Variants in APBB1 observed in about 807,000 individuals in gnomAD.
APBB1 encodes adaptor protein FE65a2.
APBB1 carries 22 observed loss-of-function variants against 78.4 expected under a neutral mutation model. That is an observed-to-expected ratio of 0.28 (90% CI 0.20 to 0.40). The LOEUF is 0.40. Among genes scored for constraint, APBB1 ranks in the 10% least tolerant of loss-of-function variants. The pLI is 1.00. For synonymous variants in APBB1, 369 were observed against 372.7 expected (o/e 0.99, Z 0.12); for missense variants, 749 against 932.4 (o/e 0.80, Z 2.56).
intron 2 of APBB1, among the ~76,000 whole-genome samples, chr11:6,408,227 G>A (rs988537565): frequency 6.6e-5 from 10 of 152,184 alleles, no homozygotes; most frequent in Admixed American, 5.9e-4. Context: ...ATGACCACAG[G>A]AGAGAGTCTG....
chr11:6,417,919 T>C (rs1187032513), intron 1 of APBB1, among the ~76,000 whole-genome samples: 1 of 152,216 alleles, frequency 6.6e-6, no homozygotes, highest in Admixed American at 6.5e-5. Context: ...GGAACTCCTG[T>C]TTGTCTTTCA....
At chr11:6,413,540 G>A (rs1006958275) in intron 1 of APBB1, among the ~76,000 whole-genome samples, 4 of 152,188 alleles carry the variant, frequency 2.6e-5, no homozygotes, top group Non-Finnish European at 5.9e-5. Flanking sequence ...GAGTGCAATG[G>A]CACGATCTCA....
rs1848612317 is a variant in APBB1, at chr11:6,403,004, C to G, written c.1104+141G>C. ...AACTGAAGTGCCTCCAGCTCAGACA[C>G]AGGGCTCTGTGCTGAGACTGGAAGA... is the stretch of plus-strand genomic sequence containing the variant. On this transcript the variant is annotated intron_variant, in intron 6 of 14. Transcript: ENST00000609360. This position sits in a 1 kb window ranked among gnomAD's most constrained non-coding sequence, Gnocchi z 5.3. 1.1e-6 allele frequency: 1 copy of G among 898,640 alleles called. No homozygotes were observed. The highest frequency in any genetic ancestry group is 1.7e-5 in the African/African-American group (1 of 59,220). The allele number at this position is 898,640 out of a possible 1,614,324, so 55.7% of individuals were successfully genotyped here. A position where few individuals can be genotyped will look rare whatever the true frequency, so the allele number is the denominator to read the frequency against.
Position 6,403,680 on chromosome 11 carries a change from G to T in APBB1, c.864C>A (p.Pro288=). The part of the protein sequence containing the change: ...TQWEPPGRAS[P]SQGSSPQEES... ...CCTCTTGGGGGCTGCTCCCCTGTGA[G>T]GGGGAGGCCCGGCCGGGGGGTTCCC... is the stretch of plus-strand genomic sequence containing the variant. The change falls in exon 3 of 15, where the codon CCC becomes CCA. Residue 288 remains proline, a synonymous_variant. Transcript: ENST00000609360. The surrounding 1 kb of genome is among the most constrained non-coding windows in gnomAD (Gnocchi z 5.3). The T allele has an allele frequency of 1.2e-6, 2 of 1,608,362 alleles. No homozygotes were observed. Among genetic ancestry groups the T allele is most frequent in the Non-Finnish European group, 1.7e-6 (2 of 1,176,520 alleles).
At chr11:6,404,546 C>A in intron 2 of APBB1, 2 of 1,523,362 alleles carry the variant, frequency 1.3e-6, no homozygotes, top group South Asian at 2.4e-5. Flanking sequence ...CACAGACGCT[C>A]ACTTCCTGAC....
Position 6,401,820 on chromosome 11 carries a change from G to T in APBB1, c.1389-132C>A. ...TGCCCACAGCTGGTCCCCCATAGGTGCTGCCTTCTTGGGGGGGAGGGGTAG... is the reference window on the plus strand; with the variant it reads ...TGCCCACAGCTGGTCCCCCATAGGTTCTGCCTTCTTGGGGGGGAGGGGTAG... On this transcript the variant is annotated intron_variant, in intron 9 of 14. Transcript: ENST00000609360. The surrounding 1 kb of genome is among the most constrained non-coding windows in gnomAD (Gnocchi z 4.5). 7.0e-7 allele frequency: 1 copy of T among 1,420,854 alleles called. No homozygotes were observed. The highest frequency in any genetic ancestry group is 9.8e-7 in the Non-Finnish European group (1 of 1,022,066). The allele number at this position is 1,420,854 out of a possible 1,614,324, so 88.0% of individuals were successfully genotyped here.
At position 6,400,977 on chromosome 11, in the gene APBB1, G is replaced by C. The variant is rs2134056339; in HGVS notation, c.1672+12C>G. The C allele has an allele frequency of 6.2e-7, 1 of 1,612,770 alleles. No homozygotes were observed. The highest frequency in any genetic ancestry group is 2.2e-5 in the East Asian group (1 of 44,868). ...AAGGTAGCAGCCCCTGGGTATAGAA[G>C]GACACACATACCAACAGGTTTAGCA... is the stretch of plus-strand genomic sequence containing the variant. On this transcript the variant is annotated intron_variant, in intron 12 of 14. Transcript: ENST00000609360.
In APBB1 at chr11:6,419,079, C is replaced by T; in HGVS notation, c.-109G>A. ...CTTCTCCATCACAACATCCCCCGCC[C>T]AGGAGCGCGCGGGCCGCGGGGCCGC... On this transcript the variant is annotated 5_prime_UTR_variant, in exon 1 of 15. Coordinates refer to ENST00000609360, the MANE Select transcript of APBB1 (RefSeq NM_001164.5). 2.6e-6 allele frequency: 1 copy of T among 387,814 alleles called. No homozygotes were observed. Among genetic ancestry groups the T allele is most frequent in the Non-Finnish European group, 4.6e-6 (1 of 218,984 alleles). 24.0% of individuals were successfully genotyped at this position (387,814 alleles called of 1,614,324 possible).
chr11:6,407,520 T>C (rs995591858), intron 2 of APBB1, among the ~76,000 whole-genome samples: 2 of 152,250 alleles, frequency 1.3e-5, no homozygotes, highest in East Asian at 1.9e-4. Flanking sequence ...GTGTGTGGCC[T>C]GCACAGTGCT....
Position 6,396,214 on chromosome 11 carries a change from C to G in APBB1, c.1674G>C (p.Gly558=). The change falls in exon 13 of 15, where the codon GGG becomes GGC. Residue 558 remains glycine, a splice_region_variant and synonymous_variant. Transcript: ENST00000609360. ...LGNVPVAKPV[G]VDVINGALES... ...CGAGGGCCCCATTAATCACATCTAC[C>G]CCTAGAACATATGGACACAAGATAC... 6.4e-7 allele frequency: 1 copy of G among 1,550,646 alleles called. No individual in the cohort carries two copies. Among genetic ancestry groups the G allele is most frequent in the Non-Finnish European group, 8.7e-7 (1 of 1,146,516 alleles).
rs1243881636 is a variant in APBB1, at chr11:6,396,176, G to A, written c.1712C>T (p.Ser571Phe). 2 of 1,551,702 alleles carry A rather than the reference G, an allele frequency of 1.3e-6. No homozygotes were observed. The highest frequency in any genetic ancestry group is 1.7e-6 in the Non-Finnish European group (2 of 1,147,100). The change falls in exon 13 of 15, where the codon TCC becomes TTC. Residue 571 changes from serine (S) to phenylalanine (F), a missense_variant. By Grantham distance (155) the Ser-to-Phe change is radical (BLOSUM62 -2). Transcript: ENST00000609360. ...VINGALESVL[S>F]SSSREQWTPS... The stretch of plus-strand genomic sequence containing the variant: ...GGTCCATTGTTCACGGCTGCTGGAG[G>A]ACAGGACTGACTCGAGGGCCCCATT...
At chr11:6,404,556 C>A in intron 2 of APBB1, 2 of 1,530,694 alleles carry the variant, frequency 1.3e-6, no homozygotes, top group Non-Finnish European at 1.8e-6. Context: ...CACTTCCTGA[C>A]CCTTGCTGCA....
intron 6 of APBB1, 45 bp from the exon 7 acceptor site, chr11:6,402,770 A>G (rs1467135330): frequency 6.2e-7 from 1 of 1,611,390 alleles, no homozygotes; most frequent in African/African-American, 1.3e-5. Context: ...ATCTGAGTCA[A>G]AACTGGAGAG....
intron 2 of APBB1, among the ~76,000 whole-genome samples, 168 bp downstream of exon 2, chr11:6,410,459 T>C (rs1848929082): frequency 6.6e-6 from 1 of 152,228 alleles, no homozygotes; most frequent in Admixed American, 6.5e-5. Context: ...TGGTCAGATC[T>C]ACCAGAATGT....
chr11:6,403,511 A>C lies in APBB1; in HGVS notation c.931T>G (p.Phe311Val), dbSNP rs1457281686. Residue 311 changes from phenylalanine (F) to valine (V), a missense_variant, in exon 4 of 15, where the codon TTT (phenylalanine) becomes GTT (valine). Physicochemically the swap from Phe to Val is conservative, Grantham distance 50. Transcript: ENST00000609360. The surrounding 1 kb of genome is among the most constrained non-coding windows in gnomAD (Gnocchi z 5.3). ...ACCTTCCAAAATTCTCCATCCTCAA[A>C]GCCTTCTCCATGAGCAAAACCTGTC... ...TWTGFAHGEG[F>V]EDGEFWKDEP... is the part of the protein sequence containing the mutation. 6.2e-7 allele frequency: 1 copy of C among 1,614,134 alleles called. No individual in the cohort carries two copies. The highest frequency in any genetic ancestry group is 1.7e-5 in the Admixed American group (1 of 60,022).
rs12272159 is a variant in APBB1 at position 6,411,758 on chromosome 11, G to A, written c.-14-397C>T. On this transcript the variant is annotated intron_variant, in intron 1 of 14. Coordinates refer to ENST00000609360, the MANE Select transcript of APBB1 (RefSeq NM_001164.5). This position sits in a 1 kb window ranked among gnomAD's most constrained non-coding sequence, Gnocchi z 5.2. ...GACCGGCTCGTGTGTTTTGGACACTGATCACTGACTGCCCCTCTCCGGCCG... is the reference window on the plus strand; with the variant it reads ...GACCGGCTCGTGTGTTTTGGACACTAATCACTGACTGCCCCTCTCCGGCCG... Among the ~76,000 whole-genome samples the A allele has an allele frequency of 1.1e-4, 16 of 152,146 alleles. 1 individual carries two copies. Among genetic ancestry groups the A allele is most frequent in the African/African-American group, 3.9e-4 (16 of 41,446 alleles).
chr11:6,412,298 GC>G (rs1848986550), intron 1 of APBB1, among the ~76,000 whole-genome samples: 2 of 152,178 alleles, frequency 1.3e-5, no homozygotes, highest in Admixed American at 6.5e-5. Context: ...GATTACAGGT[GC>G]CCACCACCAC....
chr11:6,404,080 G>T (rs1047888784), intron 2 of APBB1: 4 of 428,724 alleles, frequency 9.3e-6, no homozygotes, highest in African/African-American at 7.9e-5. Context: ...AGGAAGGCAG[G>T]GAGGGAAGAA....
At chr11:6,414,230 C>T (rs1177323763) in intron 1 of APBB1, among the ~76,000 whole-genome samples, 2 of 152,188 alleles carry the variant, frequency 1.3e-5, no homozygotes, top group African/African-American at 4.8e-5. Flanking sequence ...TTTGTTTATA[C>T]TGCTCCCTCG....
Sources: gnomAD v4.1 joint callset for allele counts (sites outside exome capture counted in the v4.1 genomes callset) on GRCh38, gnomAD v4.1.1 for gene constraint, Gnocchi (gnomAD v3.1) non-coding constraint, MANE v1.5 for transcripts, NCBI Gene and HGNC (gene_info 2026-07-23, HGNC 2026-07-21) for gene names.